The following MMP16 variants were observed in gnomAD, a reference collection of about 807,000 sequenced individuals.
The protein encoded by MMP16 is matrix metallopeptidase 16, also known as matrix metalloproteinase-16.
MMP16 carries 12 observed loss-of-function variants against 67.8 expected under a neutral mutation model. The observed-to-expected ratio is 0.18, with a 90% CI of 0.11 to 0.29. The LOEUF is 0.29. Among genes scored for constraint, MMP16 ranks in the 10% least tolerant of loss-of-function variants. The pLI is 1.00. For synonymous variants in MMP16, 249 were observed against 255.9 expected, an observed-to-expected ratio of 0.97 and a Z score of 0.26; for missense variants, 475 against 765.7, an observed-to-expected ratio of 0.62 and a Z score of 4.48.
chr8:88,043,893 A>G (rs1216831909), intron 9 of MMP16, among the ~76,000 whole-genome samples: 1 of 152,220 alleles, frequency 6.6e-6, no homozygotes, highest in East Asian at 1.9e-4. Context: ...TCATAGATGA[A>G]TAACGGCATT....
At chr8:88,240,858 G>A (rs1810022526) in intron 1 of MMP16, among the ~76,000 whole-genome samples, 1 of 151,976 alleles carries the variant, frequency 6.6e-6, no homozygotes, top group East Asian at 1.9e-4. Flanking sequence ...GTCTTTATTA[G>A]CCTTTCAAAG....
intron 1 of MMP16, among the ~76,000 whole-genome samples, chr8:88,297,505 A>G (rs1358669787): frequency 2.6e-5 from 4 of 152,174 alleles, no homozygotes; most frequent in Non-Finnish European, 5.9e-5. Context: ...TCACCACAGG[A>G]CTAAGGACTT....
At chr8:88,119,999 T>G (rs1586161151) in intron 4 of MMP16, among the ~76,000 whole-genome samples, 2 of 152,110 alleles carry the variant, frequency 1.3e-5, no homozygotes, top group Admixed American at 1.3e-4. Flanking sequence ...AACCAACATT[T>G]TTTCTACTCT....
At chr8:88,161,947 C>T (rs1808633278) in intron 4 of MMP16, among the ~76,000 whole-genome samples, 1 of 151,998 alleles carries the variant, frequency 6.6e-6, no homozygotes, top group Non-Finnish European at 1.5e-5. Context: ...TGTTCTTTTA[C>T]ATTTGCTGAT....
chr8:88,311,250 GAT>G (rs1280660216), intron 1 of MMP16, among the ~76,000 whole-genome samples: 1 of 152,096 alleles, frequency 6.6e-6, no homozygotes, highest in Non-Finnish European at 1.5e-5. Context: ...GGTGGATTTT[GAT>G]ATATCCAGGA....
At chr8:88,052,514 C>A (rs972003012) in intron 8 of MMP16, among the ~76,000 whole-genome samples, 3 of 152,184 alleles carry the variant, frequency 2.0e-5, no homozygotes, top group African/African-American at 7.2e-5. Context: ...CCATTCTTCA[C>A]ATAGAAGCCA....
rs75042267 is a variant in MMP16 at position 88,054,315 on chromosome 8, G to A, written c.1373+1813C>T. Among the ~76,000 whole-genome samples the A allele has an allele frequency of 8.5e-5, 13 of 152,162 alleles. No homozygotes were observed. The East Asian group carries it at 1.7e-3, about 20-fold the overall frequency. On this transcript the variant is annotated intron_variant, in intron 8 of 9. Coordinates refer to ENST00000286614, the MANE Select transcript of MMP16 (RefSeq NM_005941.5). ...GAGAAAAAGAAAAAAGTGCAACTCCGTATAGTACCGAGTTCTGCATGGGTA... is the reference window on the plus strand; with the variant it reads ...GAGAAAAAGAAAAAAGTGCAACTCCATATAGTACCGAGTTCTGCATGGGTA...
Sources: allele counts gnomAD v4.1 joint callset (sites outside exome capture counted in the v4.1 genomes callset), GRCh38; gene constraint gnomAD v4.1.1; transcripts MANE v1.5; gene names NCBI Gene and HGNC (gene_info 2026-07-23, HGNC 2026-07-21).